KCTD8: variants seen among roughly 807,000 people sequenced by gnomAD.
The protein encoded by KCTD8 is BTB/POZ domain-containing protein KCTD8.
A neutral mutation model predicts 31.5 loss-of-function variants in KCTD8; 27 were observed. That is an observed-to-expected ratio of 0.86 (90% CI 0.63 to 1.18). KCTD8 has a LOEUF of 1.18. KCTD8 is among the 50% of genes most tolerant of loss of function. KCTD8 has a pLI of 0.00. For synonymous variants in KCTD8, 290 were observed against 280.0 expected (o/e 1.04, Z -0.36); for missense variants, 658 against 647.7 (o/e 1.02, Z -0.17).
intron 1 of KCTD8, among the ~76,000 whole-genome samples, chr4:44,197,153 G>A (rs993077682): frequency 3.3e-5 from 5 of 152,084 alleles, no homozygotes; most frequent in African/African-American, 1.2e-4. Flanking sequence ...TGGCCTGACA[G>A]GACTCATTGG....
At chr4:44,182,943 C>A (rs939849613) in intron 1 of KCTD8, among the ~76,000 whole-genome samples, 19 of 152,198 alleles carry the variant, frequency 1.2e-4, no homozygotes, top group African/African-American at 4.6e-4. Context: ...TTAAAACAGT[C>A]TGGCATGTAT....
intron 1 of KCTD8, among the ~76,000 whole-genome samples, chr4:44,431,501 A>G (rs1721505995): frequency 6.6e-6 from 1 of 151,542 alleles, no homozygotes; most frequent in Non-Finnish European, 1.5e-5. Flanking sequence ...TATAATGATT[A>G]CCCAGTCAAA....
At chr4:44,405,733 A>G (rs1440753689) in intron 1 of KCTD8, among the ~76,000 whole-genome samples, 1 of 151,654 alleles carries the variant, frequency 6.6e-6, no homozygotes, top group Non-Finnish European at 1.5e-5. Context: ...TAACAACTAC[A>G]AAGTATCTTA....
chr4:44,375,898 T>C (rs1347860367), intron 1 of KCTD8, among the ~76,000 whole-genome samples: 1 of 152,108 alleles, frequency 6.6e-6, no homozygotes, highest in Non-Finnish European at 1.5e-5. Context: ...AAACATCCTT[T>C]GTTTTCACAA....
intron 1 of KCTD8, among the ~76,000 whole-genome samples, chr4:44,210,363 A>G (rs1000313825): frequency 6.6e-6 from 1 of 152,232 alleles, no homozygotes; most frequent in South Asian, 2.1e-4. Flanking sequence ...TCTATCAGTC[A>G]TAGTATTTTT....
chr4:44,417,443 C>G (rs1162398378), intron 1 of KCTD8, among the ~76,000 whole-genome samples: 1 of 151,812 alleles, frequency 6.6e-6, no homozygotes, highest in Non-Finnish European at 1.5e-5. Context: ...AATAATAATA[C>G]CATCCACTCT....
At chr4:44,365,776 C>T (rs755464975) in intron 1 of KCTD8, among the ~76,000 whole-genome samples, 2 of 151,972 alleles carry the variant, frequency 1.3e-5, no homozygotes, top group Non-Finnish European at 2.9e-5. Context: ...GAAATTTATC[C>T]TAAGGAGATA....
intron 1 of KCTD8, among the ~76,000 whole-genome samples, chr4:44,239,990 T>A (rs1225674007): frequency 6.6e-6 from 1 of 152,170 alleles, no homozygotes; most frequent in East Asian, 1.9e-4. Flanking sequence ...CCTGGATGGA[T>A]TTAGTGATAA....
intron 1 of KCTD8, among the ~76,000 whole-genome samples, chr4:44,412,886 G>A (rs1378465139): frequency 6.6e-6 from 1 of 152,058 alleles, no homozygotes; most frequent in Non-Finnish European, 1.5e-5. Flanking sequence ...TATTCAAAGA[G>A]TCGTTCCAAA....
chr4:44,295,986 T>C (rs1717419129), intron 1 of KCTD8, among the ~76,000 whole-genome samples: 2 of 152,214 alleles, frequency 1.3e-5, no homozygotes, highest in African/African-American at 4.8e-5. Flanking sequence ...TCTACCCAAC[T>C]GGCCTTAATT....
intron 1 of KCTD8, among the ~76,000 whole-genome samples, chr4:44,437,907 T>A (rs1721710939): frequency 6.6e-6 from 1 of 152,128 alleles, no homozygotes; most frequent in Non-Finnish European, 1.5e-5. Flanking sequence ...GAATCACCAT[T>A]AGAAGGATTC....
At chr4:44,410,456 T>C (rs1328864244) in intron 1 of KCTD8, among the ~76,000 whole-genome samples, 1 of 152,206 alleles carries the variant, frequency 6.6e-6, no homozygotes, top group Non-Finnish European at 1.5e-5. Flanking sequence ...CATTTTATAC[T>C]TGGGAAGATT....
At chr4:44,346,031 G>A (rs955961583) in intron 1 of KCTD8, among the ~76,000 whole-genome samples, 1 of 152,046 alleles carries the variant, frequency 6.6e-6, no homozygotes, top group Admixed American at 6.6e-5. Context: ...TAATTTATAT[G>A]GTTATGCTGT....
intron 1 of KCTD8, among the ~76,000 whole-genome samples, chr4:44,262,860 T>C (rs1716222563): frequency 1.3e-5 from 2 of 152,172 alleles, no homozygotes; most frequent in African/African-American, 4.8e-5. Context: ...CAAAAATTAA[T>C]ATTCTGTACT....
chr4:44,262,572 C>T (rs369403809), intron 1 of KCTD8, among the ~76,000 whole-genome samples: 19 of 152,062 alleles, frequency 1.2e-4, no homozygotes, highest in African/African-American at 3.9e-4. Flanking sequence ...AAACCAATGA[C>T]AAGTAGAATT....
chr4:44,259,521 A>T (rs76765532), intron 1 of KCTD8, among the ~76,000 whole-genome samples: 2,821 of 151,986 alleles, frequency 0.019, 85 homozygotes, highest in African/African-American at 0.064. Flanking sequence ...AAGCACCTAA[A>T]CCATCCCAAA....
Position 44,174,758 on chromosome 4 carries a change from G to C in KCTD8, c.*32C>G. 1 of 1,502,778 alleles carries C rather than the reference G, an allele frequency of 6.7e-7. No homozygotes were observed. Among genetic ancestry groups the C allele is most frequent in the Non-Finnish European group, 9.1e-7 (1 of 1,102,678 alleles). 93.1% of individuals were successfully genotyped at this position (1,502,778 alleles called of 1,614,324 possible). On this transcript the variant is annotated 3_prime_UTR_variant, in exon 2 of 2. Coordinates refer to ENST00000360029, the MANE Select transcript of KCTD8 (RefSeq NM_198353.3). ...GGTGACACTGTAGTAAACATTGAAT[G>C]TCATCAAAATACTGCAGGAATGTGA...
At chr4:44,333,681 TAAG>T (rs1718645736) in intron 1 of KCTD8, among the ~76,000 whole-genome samples, 1 of 152,030 alleles carries the variant, frequency 6.6e-6, no homozygotes, top group South Asian at 2.1e-4. Context: ...AAAGTAAAAA[TAAG>T]ATGACCTAGG....
intron 1 of KCTD8, among the ~76,000 whole-genome samples, chr4:44,233,788 C>T (rs1715193917): frequency 6.6e-6 from 1 of 152,076 alleles, no homozygotes; most frequent in South Asian, 2.1e-4. Context: ...AGAATTTTAA[C>T]TGCTTTTTCC....
Sources: gnomAD v4.1 joint callset for allele counts (sites outside exome capture counted in the v4.1 genomes callset) on GRCh38, gnomAD v4.1.1 for gene constraint, MANE v1.5 for transcripts, NCBI Gene and HGNC (gene_info 2026-07-23, HGNC 2026-07-21) for gene names.